The following GRID2 variants were observed in gnomAD, a reference collection of about 807,000 sequenced individuals.
The protein encoded by GRID2 is glutamate ionotropic receptor delta type subunit 2, also known as glutamate receptor ionotropic, delta-2.
A neutral mutation model predicts 114.8 loss-of-function variants in GRID2; 33 were observed. The observed-to-expected ratio is 0.29, with a 90% CI of 0.22 to 0.38. GRID2 has a LOEUF of 0.38. GRID2 is among the 10% of genes least tolerant of loss of function. GRID2 has a pLI of 1.00. For synonymous variants in GRID2, 505 were observed against 449.9 expected (o/e 1.12, Z -1.55); for missense variants, 1,184 against 1,257.7 (o/e 0.94, Z 0.89).
chr4:92,759,224 A>G (rs1048441245), intron 2 of GRID2, among the ~76,000 whole-genome samples: 22 of 152,156 alleles, frequency 1.4e-4, no homozygotes, highest in African/African-American at 4.6e-4. Context: ...TTTGGTAGAG[A>G]TCCATAATAT....
At chr4:92,652,799 A>T (rs1325556476) in intron 2 of GRID2, among the ~76,000 whole-genome samples, 1 of 137,496 alleles carries the variant, frequency 7.3e-6, no homozygotes, top group Non-Finnish European at 1.6e-5. Flanking sequence ...AAGATGGTGA[A>T]AAAAAAAATA....
chr4:92,385,427 TA>T (rs1415599989), intron 1 of GRID2, among the ~76,000 whole-genome samples: 8 of 151,826 alleles, frequency 5.3e-5, no homozygotes, highest in Non-Finnish European at 1.0e-4. Context: ...TGGAATTTAT[TA>T]AAAAAATTAT....
chr4:93,544,808 AAG>A (rs1733051917), intron 13 of GRID2, among the ~76,000 whole-genome samples: 3 of 152,068 alleles, frequency 2.0e-5, no homozygotes, highest in African/African-American at 7.2e-5. Context: ...AAGAAAAAAA[AAG>A]AAATAAATAG....
At position 93,594,362 on chromosome 4, in the gene GRID2, G is replaced by A. The variant is rs1213945903; in HGVS notation, c.2194-31907G>A. ...CTGGAGGGTGCCTCCCAGTTAGGCT[G>A]CTCGGGGGTCAGGGGTCAGGGACCC... On this transcript the variant is annotated intron_variant, in intron 13 of 15. Transcript: ENST00000282020. Among the ~76,000 whole-genome samples, 4 of 152,338 alleles carry A rather than the reference G, an allele frequency of 2.6e-5. No homozygotes were observed. The South Asian group carries it at 6.2e-4, about 24-fold the overall frequency.
At chr4:93,710,704 T>C (rs983408130) in intron 14 of GRID2, among the ~76,000 whole-genome samples, 4 of 152,216 alleles carry the variant, frequency 2.6e-5, no homozygotes, top group African/African-American at 9.6e-5. Flanking sequence ...GGTCTTGAAG[T>C]GCTGTCTGGG....
intron 1 of GRID2, among the ~76,000 whole-genome samples, chr4:92,387,392 G>A (rs1357993330): frequency 6.6e-6 from 1 of 151,934 alleles, no homozygotes; most frequent in Admixed American, 6.6e-5. Flanking sequence ...TAAAATAAGA[G>A]CCAGCAAGTT....
rs1379675403 is a variant in GRID2 at position 93,408,775 on chromosome 4, T to C, written c.1347+13067T>C. 2.0e-5 allele frequency among the ~76,000 whole-genome samples: 3 copies of C among 152,156 alleles called. No homozygotes were observed. In the East Asian group the frequency reaches 5.8e-4, roughly 29 times the overall value. ...CATTCTTTTGTAAATCCCTGCAGAT[T>C]TGTTTCTTGCTTTTAAATATCAGCA... On this transcript the variant is annotated intron_variant, in intron 9 of 15. Coordinates refer to ENST00000282020, the MANE Select transcript of GRID2 (RefSeq NM_001510.4).
rs1166465079 is a variant in GRID2 at position 92,886,126 on chromosome 4, C to A, written c.245-198869C>A. Among the ~76,000 whole-genome samples, 3 of 151,858 alleles carry A rather than the reference C, an allele frequency of 2.0e-5. No individual in the cohort carries two copies. The East Asian group carries it at 5.8e-4, about 29-fold the overall frequency. On this transcript the variant is annotated intron_variant, in intron 2 of 15. Coordinates refer to ENST00000282020, the MANE Select transcript of GRID2 (RefSeq NM_001510.4). ...ACAAAATAATATAATAATAATAAGCCTCAAGAGGCCTATTTCCTGAGGCAA... is the reference window on the plus strand; with the variant it reads ...ACAAAATAATATAATAATAATAAGCATCAAGAGGCCTATTTCCTGAGGCAA...
At chr4:93,140,006 AATAAAGT>A (rs1176090566) in intron 4 of GRID2, among the ~76,000 whole-genome samples, 10 of 152,158 alleles carry the variant, frequency 6.6e-5, no homozygotes, top group African/African-American at 2.4e-4. Context: ...GTTGCTCTCT[AATAAAGT>A]ATAAACTTGA....
intron 1 of GRID2, 49 bp from the exon 2 acceptor site, chr4:92,590,082 G>T (rs748129086): frequency 4.7e-6 from 6 of 1,267,558 alleles, no homozygotes; most frequent in Non-Finnish European, 5.8e-6. Context: ...CAGAGGGGAT[G>T]ACAGAATATT....
intron 2 of GRID2, among the ~76,000 whole-genome samples, chr4:92,846,487 A>G (rs1743336284): frequency 6.6e-6 from 1 of 152,124 alleles, no homozygotes; most frequent in South Asian, 2.1e-4. Flanking sequence ...ATGTTGCTAC[A>G]AAGACATAAT....
rs186008402 is a variant in GRID2 at position 93,184,971 on chromosome 4, A to G, written c.736-22433A>G. Among the ~76,000 whole-genome samples, 16 of 152,332 alleles carry G rather than the reference A, an allele frequency of 1.1e-4. No homozygotes were observed. The East Asian group carries it at 2.9e-3, about 28-fold the overall frequency. On this transcript the variant is annotated intron_variant, in intron 4 of 15. Coordinates refer to ENST00000282020, the MANE Select transcript of GRID2 (RefSeq NM_001510.4). Reference sequence around the variant, plus strand: ...AATGTGCCTGAAAGACACAAGTTCTACCATGAGTAATTCAGTATTCATTCA... The same window carrying G: ...AATGTGCCTGAAAGACACAAGTTCTGCCATGAGTAATTCAGTATTCATTCA...
chr4:93,403,628 C>T (rs1285026172), intron 9 of GRID2, among the ~76,000 whole-genome samples: 3 of 152,070 alleles, frequency 2.0e-5, no homozygotes, highest in African/African-American at 7.2e-5. Flanking sequence ...TGAAGAGATG[C>T]TCAGCATAGT....
intron 8 of GRID2, among the ~76,000 whole-genome samples, chr4:93,240,687 A>G (rs1453397420): frequency 6.6e-6 from 1 of 151,190 alleles, no homozygotes; most frequent in African/African-American, 2.4e-5. Flanking sequence ...TCATGAATAT[A>G]TTATGCTCAA....
intron 13 of GRID2, among the ~76,000 whole-genome samples, chr4:93,599,234 T>G (rs992771874): frequency 6.6e-6 from 1 of 152,216 alleles, no homozygotes; most frequent in African/African-American, 2.4e-5. Context: ...ATTCAGCATC[T>G]ATTCCACTAG....
intron 8 of GRID2, among the ~76,000 whole-genome samples, chr4:93,370,444 CACACACACGCACACACAA>C (rs1239816096): frequency 6.6e-6 from 1 of 150,558 alleles, no homozygotes; most frequent in East Asian, 2.0e-4. Context: ...CACAGGCACA[CACACACACGCACACACAA>C]ACACGCACAC....
At chr4:93,418,122 A>C (rs1380018741) in intron 9 of GRID2, among the ~76,000 whole-genome samples, 2 of 151,774 alleles carry the variant, frequency 1.3e-5, no homozygotes, top group East Asian at 1.9e-4. Flanking sequence ...GTAAATTTAT[A>C]TATCGAGCAG....
chr4:92,462,456 G>A (rs2149088862), intron 1 of GRID2, among the ~76,000 whole-genome samples: 1 of 151,996 alleles, frequency 6.6e-6, no homozygotes, highest in African/African-American at 2.4e-5. Context: ...TTTTCCAGTG[G>A]CTCTTTGCTG....
chr4:92,529,552 C>A (rs901829177), intron 1 of GRID2, among the ~76,000 whole-genome samples: 8 of 152,124 alleles, frequency 5.3e-5, no homozygotes, highest in Admixed American at 5.2e-4. Flanking sequence ...AAACATACTG[C>A]AAGTTCAAGA....
Sources: gnomAD v4.1 joint callset for allele counts (sites outside exome capture counted in the v4.1 genomes callset) on GRCh38, gnomAD v4.1.1 for gene constraint, MANE v1.5 for transcripts, NCBI Gene and HGNC (gene_info 2026-07-23, HGNC 2026-07-21) for gene names.